C5: variants seen among roughly 807,000 people sequenced by gnomAD.
The protein encoded by C5 is C3 and PZP-like alpha-2-macroglobulin domain-containing protein 4.
Under a neutral mutation model 218.8 loss-of-function variants are expected in C5, and 140 were observed. That is an observed-to-expected ratio of 0.64 (90% CI 0.56 to 0.74). The LOEUF is 0.74. C5 is among the 30% of genes least tolerant of loss of function. C5 has a pLI of 0.00. For missense variants in C5, 1,700 were observed against 1,969.6 expected (o/e 0.86, Z 2.59); for synonymous variants, 614 against 682.3 (o/e 0.90, Z 1.56).
At chr9:120,963,516 A>AT in intron 34 of C5, 120 bp downstream of exon 34, 3 of 799,766 alleles carry the variant, frequency 3.8e-6, no homozygotes, top group Non-Finnish European at 6.1e-6. Context: ...AAAAAAAAAA[A>AT]ATATTCTGGG....
intron 25 of C5, among the ~76,000 whole-genome samples, chr9:120,983,965 CCA>C (rs2047014373): frequency 6.6e-6 from 1 of 152,212 alleles, no homozygotes. Context: ...TCCATCCCAA[CCA>C]CACCAAAATG....
chr9:121,008,457 T>C lies in C5; in HGVS notation c.2299A>G (p.Ser767Gly), dbSNP rs1587975785. The C allele has an allele frequency of 6.2e-7, 1 of 1,613,750 alleles. No homozygotes were observed. The highest frequency in any genetic ancestry group is 2.2e-5 in the East Asian group (1 of 44,820). ...CACAACCAGCTTTCTGGAAAATAAC[T>C]CCGAATTTCTGGCTTGCTTACTGGT... The part of the protein sequence containing the change: ...LLPVSKPEIR[S>G]YFPESWLWEV... The change falls in exon 18 of 41, where the codon AGT becomes GGT. Residue 767 changes from serine to glycine, a missense_variant. By Grantham distance (56) the Ser-to-Gly change is moderately conservative. Coordinates refer to ENST00000223642, the MANE Select transcript of C5 (RefSeq NM_001735.3).
rs1326032589 is a variant in C5 at position 121,037,302 on chromosome 9, G to A, written c.492+579C>T. ...TTGGTGGGTGGTTTTTTGTTTTTTG[G>A]TTTTTTTTTTTTTTTTAGATTTTCT... On this transcript the variant is annotated intron_variant, in intron 4 of 40. Transcript: ENST00000223642. 2.9e-5 allele frequency among the ~76,000 whole-genome samples: 4 copies of A among 136,742 alleles called. 1 individual carries two copies. In the South Asian group the frequency reaches 7.1e-4, roughly 24 times the overall value. 89.7% of individuals were successfully genotyped at this position (136,742 alleles called of 152,430 possible). A position where few individuals can be genotyped will look rare whatever the true frequency, so the allele number is the denominator to read the frequency against.
chr9:120,999,695 TAA>T (rs1395080271), intron 20 of C5: 1 of 225,292 alleles, frequency 4.4e-6, no homozygotes, highest in Non-Finnish European at 9.0e-6. Context: ...TTTTTATTAA[TAA>T]AGTAGAAGAT....
rs1404479114 is a variant in C5, at chr9:121,016,361, C to T, written c.1889G>A (p.Ser630Asn). 1 of 1,613,912 alleles carries T rather than the reference C, an allele frequency of 6.2e-7. No homozygotes were observed. Among genetic ancestry groups the T allele is most frequent in the East Asian group, 2.2e-5 (1 of 44,896 alleles). ...LERVFQFLEK[S>N]DLGCGAGGGL... is the part of the protein sequence containing the mutation. The stretch of plus-strand genomic sequence containing the variant: ...ACCACCTGCCCCACAGCCCAGATCA[C>T]TCTTCTCTAAGAATTGAAATACCTG... Residue 630 changes from serine to asparagine, a missense_variant, in exon 15 of 41, where the codon AGT (serine) becomes AAT (asparagine). By Grantham distance (46) the Ser-to-Asn change is conservative (BLOSUM62 1). Transcript: ENST00000223642.
chr9:120,971,684 G>A (rs184555178), intron 31 of C5, among the ~76,000 whole-genome samples: 3 of 152,252 alleles, frequency 2.0e-5, no homozygotes, highest in Admixed American at 1.3e-4. Context: ...TGGTCTGCCC[G>A]CCTAGGCCTC....
chr9:121,015,029 T>C (rs978927203), intron 16 of C5, 170 bp downstream of exon 16: 17 of 574,926 alleles, frequency 3.0e-5, no homozygotes, highest in African/African-American at 2.1e-4. Context: ...AATGAACTAC[T>C]AGACTTTATT....
intron 20 of C5, among the ~76,000 whole-genome samples, chr9:121,000,728 T>C (rs10760135): frequency 0.45 from 68,646 of 152,092 alleles, 17,767 homozygotes; most frequent in South Asian, 0.72. Flanking sequence ...GTCTGTTGTA[T>C]AGGTAAATGG....
At chr9:121,039,935 C>A (rs1037390504) in intron 3 of C5, among the ~76,000 whole-genome samples, 6 of 152,228 alleles carry the variant, frequency 3.9e-5, no homozygotes. Flanking sequence ...CCGCGCCCGG[C>A]CTTGAATGCC....
chr9:121,017,794 G>C lies in C5; in HGVS notation c.1565C>G (p.Ser522Cys). 6 of 1,613,888 alleles carry C rather than the reference G, an allele frequency of 3.7e-6. No homozygotes were observed. The highest frequency in any genetic ancestry group is 5.1e-6 in the Non-Finnish European group (6 of 1,179,846). ...FGTREKFSDA[S>C]YQSINIPVTQ... ...TACTGGAATGTTTATACTTTGATAA[G>C]ATGCATCTGAAAATTTCTCCCTCGT... Residue 522 changes from serine to cysteine, a missense_variant, in exon 13 of 41, where the codon TCT becomes TGT. Transcript: ENST00000223642.
chr9:121,023,164 T>A (rs2047381424), intron 10 of C5, among the ~76,000 whole-genome samples: 1 of 152,246 alleles, frequency 6.6e-6, no homozygotes, highest in African/African-American at 2.4e-5. Context: ...AATTTAATGC[T>A]TATTTAGGGA....
At chr9:121,014,188 G>A in intron 16 of C5, 118 bp from the exon 17 acceptor site, 3 of 829,502 alleles carry the variant, frequency 3.6e-6, no homozygotes, top group Non-Finnish European at 6.0e-6. Context: ...ACCCACAATA[G>A]TTATGGCTAG....
At chr9:121,002,590 G>A (rs1361285409) in intron 20 of C5, among the ~76,000 whole-genome samples, 7 of 151,884 alleles carry the variant, frequency 4.6e-5, no homozygotes, top group Admixed American at 4.6e-4. Flanking sequence ...ATTATGCTGA[G>A]TCTGTTTTGA....
intron 33 of C5, among the ~76,000 whole-genome samples, chr9:120,966,146 C>T (rs2046865951): frequency 6.6e-6 from 1 of 152,188 alleles, no homozygotes; most frequent in Non-Finnish European, 1.5e-5. Flanking sequence ...TTTACCCAAC[C>T]TAACTTCAGT....
chr9:121,050,073 T>G, intron 1 of C5, 109 bp downstream of exon 1: 1 of 903,058 alleles, frequency 1.1e-6, no homozygotes, highest in East Asian at 2.4e-5. Context: ...TCACTTGCTG[T>G]TCTCAGAAGT....
intron 6 of C5, 145 bp from the exon 7 acceptor site, chr9:121,030,632 T>G: frequency 1.7e-6 from 1 of 586,538 alleles, no homozygotes; most frequent in South Asian, 2.3e-5. Context: ...ATCATCGTCA[T>G]CATCGTCATC....
intron 29 of C5, among the ~76,000 whole-genome samples, chr9:120,975,187 C>T (rs1355644874): frequency 6.6e-6 from 1 of 152,150 alleles, no homozygotes; most frequent in Non-Finnish European, 1.5e-5. Flanking sequence ...CAAATGTAAC[C>T]TCAGGCAAGT....
rs1412143935 is a variant in C5 at position 120,969,038 on chromosome 9, C to T, written c.4220+23G>A. ...AAAATGAGAACTTGGAGTCTATGCT[C>T]CCCTTTGTGGAAATAGGCTCACCTG... is the stretch of plus-strand genomic sequence containing the variant. On this transcript the variant is annotated intron_variant, in intron 33 of 40. Transcript: ENST00000223642. The T allele has an allele frequency of 4.4e-6, 7 of 1,603,350 alleles. No individual in the cohort carries two copies. In the Admixed American group the frequency reaches 1.2e-4, roughly 27 times the overall value.
At chr9:120,963,839 C>G in intron 33 of C5, 101 bp from the exon 34 acceptor site, 1 of 873,674 alleles carries the variant, frequency 1.1e-6, no homozygotes, top group African/African-American at 1.7e-5. Flanking sequence ...AAATTTGGGT[C>G]TCCATTTATT....
Sources: gnomAD v4.1 joint callset for allele counts (sites outside exome capture counted in the v4.1 genomes callset) on GRCh38, gnomAD v4.1.1 for gene constraint, MANE v1.5 for transcripts, NCBI Gene and HGNC (gene_info 2026-07-23, HGNC 2026-07-21) for gene names.